ACER2: variants seen among roughly 807,000 people sequenced by gnomAD.
The protein encoded by ACER2 is alkaline ceramidase 2.
A neutral mutation model predicts 34.7 loss-of-function variants in ACER2; 26 were observed. That is an observed-to-expected ratio of 0.75 (90% CI 0.55 to 1.04). The LOEUF (loss-of-function observed/expected upper bound fraction) is 1.04, where lower values mean the gene tolerates loss of function less well. ACER2 is among the 50% of genes least tolerant of loss of function. The pLI is 0.00. For missense variants in ACER2, 352 were observed against 340.8 expected (o/e 1.03, Z -0.26); for synonymous variants, 138 against 132.1 (o/e 1.04, Z -0.31).
At chr9:19,441,479 C>T (rs1227741362) in intron 4 of ACER2, among the ~76,000 whole-genome samples, 1 of 152,216 alleles carries the variant, frequency 6.6e-6, no homozygotes, top group African/African-American at 2.4e-5. Context: ...TCCTCAGCCA[C>T]TCTGACCTTC....
At chr9:19,411,836 G>A (rs1400802080) in intron 1 of ACER2, among the ~76,000 whole-genome samples, 2 of 152,180 alleles carry the variant, frequency 1.3e-5, no homozygotes, top group Non-Finnish European at 2.9e-5. Flanking sequence ...TACACCTTCA[G>A]ATACTACTGT....
chr9:19,416,564 C>T (rs905460748), intron 1 of ACER2, among the ~76,000 whole-genome samples: 14 of 151,990 alleles, frequency 9.2e-5, no homozygotes, highest in East Asian at 5.8e-4. Context: ...AGACTCTTGT[C>T]GCCCAGGCTG....
chr9:19,419,706 T>A (rs144723775), intron 1 of ACER2, among the ~76,000 whole-genome samples: 31 of 152,246 alleles, frequency 2.0e-4, no homozygotes, highest in African/African-American at 6.7e-4. Context: ...GACATTACAG[T>A]AAGGTGAGAT....
chr9:19,416,274 C>A (rs1430241215), intron 1 of ACER2, among the ~76,000 whole-genome samples: 1 of 152,106 alleles, frequency 6.6e-6, no homozygotes, highest in African/African-American at 2.4e-5. Flanking sequence ...AGCCAAGAAA[C>A]TGGTCATATG....
At chr9:19,420,138 C>G (rs1347827319) in intron 1 of ACER2, among the ~76,000 whole-genome samples, 1 of 152,114 alleles carries the variant, frequency 6.6e-6, no homozygotes, top group South Asian at 2.1e-4. Context: ...GCTCTTTGGC[C>G]CTGCTCACTT....
chr9:19,441,042 CTTTTTCTTTTTT>C (rs1011747805), intron 4 of ACER2, among the ~76,000 whole-genome samples: 1 of 149,978 alleles, frequency 6.7e-6, no homozygotes, highest in African/African-American at 2.4e-5. Context: ...TTTTCTTTTT[CTTTTTCTTTTTT>C]TTTTTTTTTT....
intron 4 of ACER2, among the ~76,000 whole-genome samples, chr9:19,440,793 A>C (rs1045594025): frequency 6.6e-6 from 1 of 152,148 alleles, no homozygotes; most frequent in Admixed American, 6.5e-5. Context: ...TCTCCAACCC[A>C]GTCCTTCCTC....
chr9:19,409,705 C>T lies in ACER2; in HGVS notation c.108+513C>T, dbSNP rs1178914069. On this transcript the variant is annotated intron_variant, in intron 1 of 5. Coordinates refer to ENST00000340967, the MANE Select transcript of ACER2 (RefSeq NM_001010887.3). ...ACTTGCCCCACCCCCAAGAACATGC[C>T]TATAATGGTCGAGTTATTTTTGGTC... 8 of 980,504 alleles carry T rather than the reference C, an allele frequency of 8.2e-6. No individual in the cohort carries two copies. The African/African-American group carries it at 1.4e-4, about 17-fold the overall frequency. 60.7% of individuals were successfully genotyped at this position (980,504 alleles called of 1,614,324 possible).
chr9:19,423,482 C>A (rs1665955478), intron 1 of ACER2, among the ~76,000 whole-genome samples: 1 of 152,170 alleles, frequency 6.6e-6, no homozygotes, highest in Admixed American at 6.5e-5. Context: ...AGGCAGATCA[C>A]CTGAGGTTGG....
intron 1 of ACER2, among the ~76,000 whole-genome samples, chr9:19,422,813 C>T (rs1830444561): frequency 6.6e-6 from 1 of 151,870 alleles, no homozygotes; most frequent in African/African-American, 2.4e-5. Flanking sequence ...GAGTGGATCA[C>T]CTGAGGTCAG....
chr9:19,441,213 C>T (rs752213914), intron 4 of ACER2, among the ~76,000 whole-genome samples: 20 of 152,014 alleles, frequency 1.3e-4, no homozygotes, highest in Non-Finnish European at 2.9e-4. Flanking sequence ...CCATGCCTGG[C>T]TACTTTTTCG....
chr9:19,427,216 G>GCTCA (rs1216137350), intron 3 of ACER2, among the ~76,000 whole-genome samples: 1 of 152,202 alleles, frequency 6.6e-6, no homozygotes, highest in East Asian at 1.9e-4. Context: ...CATGGAGAGG[G>GCTCA]CTCAGTCAAA....
At chr9:19,414,356 A>G (rs1260956569) in intron 1 of ACER2, among the ~76,000 whole-genome samples, 1 of 152,144 alleles carries the variant, frequency 6.6e-6, no homozygotes, top group Non-Finnish European at 1.5e-5. Context: ...TTTTGTCTTT[A>G]TTTACCCTCT....
chr9:19,415,916 A>G (rs962312966), intron 1 of ACER2, among the ~76,000 whole-genome samples: 1 of 152,182 alleles, frequency 6.6e-6, no homozygotes, highest in African/African-American at 2.4e-5. Flanking sequence ...AAAGGTTTGC[A>G]GTGCATATTG....
chr9:19,443,267 C>T (rs1032189803), intron 4 of ACER2, among the ~76,000 whole-genome samples: 55 of 152,130 alleles, frequency 3.6e-4, no homozygotes, highest in African/African-American at 1.3e-3. Context: ...CTCCTGAACT[C>T]GTGATCCACC....
chr9:19,427,265 T>C (rs892046006), intron 3 of ACER2, among the ~76,000 whole-genome samples: 1 of 152,086 alleles, frequency 6.6e-6, no homozygotes, highest in Non-Finnish European at 1.5e-5. Flanking sequence ...GAGAGGAGAG[T>C]TCTGCCTAGC....
chr9:19,434,592 G>A (rs1390320693), intron 3 of ACER2, among the ~76,000 whole-genome samples: 54 of 152,334 alleles, frequency 3.5e-4, no homozygotes, highest in Non-Finnish European at 6.3e-4. Context: ...CCAACACAGC[G>A]AAACCCCGTC....
intron 4 of ACER2, among the ~76,000 whole-genome samples, chr9:19,439,912 C>T (rs762083263): frequency 6.6e-6 from 1 of 152,054 alleles, no homozygotes; most frequent in Non-Finnish European, 1.5e-5. Context: ...GGTTGTGGTG[C>T]GTGGAGATGT....
rs562657095 is a variant in ACER2 at position 19,423,490 on chromosome 9, T to G, written c.109-372T>G. On this transcript the variant is annotated intron_variant, in intron 1 of 5. Transcript: ENST00000340967. ...CTGAAGCAGGCAGATCACCTGAGGT[T>G]GGGAGTTCCGAGACCAGCCCGGCCA... Among the ~76,000 whole-genome samples, 4 of 152,234 alleles carry G rather than the reference T, an allele frequency of 2.6e-5. No individual in the cohort carries two copies. The East Asian group carries it at 5.8e-4, about 22-fold the overall frequency.
Sources: gnomAD v4.1 joint callset for allele counts (sites outside exome capture counted in the v4.1 genomes callset) on GRCh38, gnomAD v4.1.1 for gene constraint, MANE v1.5 for transcripts, NCBI Gene and HGNC (gene_info 2026-07-23, HGNC 2026-07-21) for gene names.